The following FCMR variants were observed in gnomAD, a reference collection of about 807,000 sequenced individuals.
The protein encoded by FCMR is Fc mu receptor.
A neutral mutation model predicts 41.6 loss-of-function variants in FCMR; 34 were observed. The observed-to-expected ratio is 0.82, with a 90% CI of 0.62 to 1.09. The LOEUF is 1.09. FCMR is among the 50% of genes least tolerant of loss of function. The probability of loss-of-function intolerance (pLI) is 0.00; values close to 1 mark genes in which losing one functional copy is unlikely to be tolerated. For missense variants in FCMR, 496 were observed against 512.5 expected (o/e 0.97, Z 0.31); for synonymous variants, 209 against 211.8 (o/e 0.99, Z 0.12).
chr1:206,922,353 T>C (rs1200211630), upstream of FCMR, among the ~76,000 whole-genome samples: 1 of 152,272 alleles, frequency 6.6e-6, no homozygotes, highest in Non-Finnish European at 1.5e-5. Flanking sequence ...AGATGCTGAC[T>C]GTAGTCCTTA....
chr1:206,916,609 G>A (rs1226492184), intron 1 of FCMR, among the ~76,000 whole-genome samples: 2 of 152,220 alleles, frequency 1.3e-5, no homozygotes, highest in African/African-American at 4.8e-5. Flanking sequence ...AGTTGTTGGC[G>A]ATGTGAAAAT....
rs1013852440 is a variant in FCMR, at chr1:206,910,307, T to C, written c.744A>G (p.Glu248=). 2.5e-6 allele frequency: 4 copies of C among 1,572,790 alleles called. No individual in the cohort carries two copies. Among genetic ancestry groups the C allele is most frequent in the Non-Finnish European group, 2.6e-6 (3 of 1,158,922 alleles). Residue 248 remains glutamate, a synonymous_variant, in exon 5 of 8, where the codon GAA becomes GAG. Transcript: ENST00000367091. ...ALDYGSQSGR[E]GQGFHILIPT... is the part of the protein sequence containing the mutation. ...GGATCAGGATGTGAAATCCTTGGCC[T>C]TCCCTCCCAGACTGTGAGCCATAGT...
At chr1:206,912,033 C>T in intron 3 of FCMR, 81 bp from the exon 4 acceptor site, 2 of 1,058,618 alleles carry the variant, frequency 1.9e-6, no homozygotes, top group Non-Finnish European at 2.8e-6. Flanking sequence ...CCTCTTTCCA[C>T]AACATACCCT....
At chr1:206,920,685 G>A (rs982928104) in intron 1 of FCMR, among the ~76,000 whole-genome samples, 1 of 152,174 alleles carries the variant, frequency 6.6e-6, no homozygotes, top group South Asian at 2.1e-4. Context: ...AGGTTCTTGG[G>A]AGAGGTAATC....
At chr1:206,911,975 G>A in intron 3 of FCMR, 23 bp from the exon 4 acceptor site, 3 of 1,578,306 alleles carry the variant, frequency 1.9e-6, no homozygotes, top group Non-Finnish European at 2.6e-6. Flanking sequence ...GCAGGAAAAA[G>A]GGATGTTCCT....
At position 206,907,822 on chromosome 1, in the gene FCMR, A is replaced by G. The variant is rs1268987690; in HGVS notation, c.1044+1640T>C. 1.1e-5 allele frequency: 16 copies of G among 1,400,172 alleles called. No individual in the cohort carries two copies. In the East Asian group the frequency reaches 3.4e-4, roughly 30 times the overall value. 86.7% of individuals were successfully genotyped at this position (1,400,172 alleles called of 1,614,324 possible). A position where few individuals can be genotyped will look rare whatever the true frequency, so the allele number is the denominator to read the frequency against. On this transcript the variant is annotated intron_variant, in intron 7 of 7. Transcript: ENST00000367091. ...AGCGGATGAACACCAACCCTTCCCG[A>G]GGTCCCTACCACTTCCCGGCCCCCA...
chr1:206,922,000 A>T, upstream of FCMR: 1 of 701,234 alleles, frequency 1.4e-6, no homozygotes, highest in Non-Finnish European at 2.5e-6. Flanking sequence ...TGAGGAAATG[A>T]CAACCTCCCT....
chr1:206,908,596 G>C (rs1293443119), intron 7 of FCMR, among the ~76,000 whole-genome samples: 1 of 152,134 alleles, frequency 6.6e-6, no homozygotes, highest in East Asian at 1.9e-4. Context: ...GGGACAACAT[G>C]AGCTTGCTGT....
intron 1 of FCMR, among the ~76,000 whole-genome samples, chr1:206,919,034 C>G (rs1018804427): frequency 4.6e-5 from 7 of 152,162 alleles, no homozygotes; most frequent in African/African-American, 1.7e-4. Context: ...GATGTCCACT[C>G]TACTCCGTGG....
chr1:206,922,548 T>C (rs1029596089), upstream of FCMR, among the ~76,000 whole-genome samples: 1 of 152,240 alleles, frequency 6.6e-6, no homozygotes, highest in African/African-American at 2.4e-5. Flanking sequence ...TCCTGAGGAC[T>C]TCACATAGCT....
rs148888347 is a variant in FCMR at position 206,915,472 on chromosome 1, A to T, written c.38-1378T>A. On this transcript the variant is annotated intron_variant, in intron 1 of 7. Coordinates refer to ENST00000367091, the MANE Select transcript of FCMR (RefSeq NM_005449.5). ...GTGTGCATAGGTGTGCACACACTGT[A>T]TGTGTGCTGGGGAGGGATAAAAGAT... is the stretch of plus-strand genomic sequence containing the variant. Among the ~76,000 whole-genome samples, 669 of 152,186 alleles carry T rather than the reference A, an allele frequency of 4.4e-3. 6 individuals are homozygous for T. Among genetic ancestry groups the T allele is most frequent in the African/African-American group, 0.015 (633 of 41,520 alleles).
At chr1:206,914,768 C>T (rs972027107) in intron 1 of FCMR, among the ~76,000 whole-genome samples, 1 of 152,098 alleles carries the variant, frequency 6.6e-6, no homozygotes, top group Non-Finnish European at 1.5e-5. Flanking sequence ...AGCCTCATCC[C>T]ATCCCCAACC....
chr1:206,922,734 C>T (rs185604808), upstream of FCMR, among the ~76,000 whole-genome samples: 4 of 152,326 alleles, frequency 2.6e-5, no homozygotes, highest in Admixed American at 2.6e-4. Flanking sequence ...GTAGAGCTCT[C>T]CTTCAGGACC....
rs1214601513 is a variant in FCMR at position 206,908,225 on chromosome 1, T to G, written c.1044+1237A>C. 2.1e-6 allele frequency: 3 copies of G among 1,403,032 alleles called. No homozygotes were observed. The East Asian group carries it at 6.9e-5, about 32-fold the overall frequency. The allele number at this position is 1,403,032 out of a possible 1,614,324, so 86.9% of individuals were successfully genotyped here. Reference sequence around the variant, plus strand: ...GTCCTCAAGACCCACGGGCTCCTGGTCTGAGCCCAATAAAGACTGTTAATT... The same window carrying G: ...GTCCTCAAGACCCACGGGCTCCTGGGCTGAGCCCAATAAAGACTGTTAATT... On this transcript the variant is annotated intron_variant, in intron 7 of 7. Transcript: ENST00000367091.
At chr1:206,918,650 AGTGTGTGTGT>A (rs10652847) in intron 1 of FCMR, among the ~76,000 whole-genome samples, 18 of 145,986 alleles carry the variant, frequency 1.2e-4, no homozygotes, top group African/African-American at 4.0e-4. Context: ...ATAAATTTTA[AGTGTGTGTGT>A]GTGTGTGTGT....
At chr1:206,921,697 G>A in intron 1 of FCMR, 121 bp downstream of exon 1, 1 of 910,334 alleles carries the variant, frequency 1.1e-6, no homozygotes, top group South Asian at 1.5e-5. Context: ...CCTGCCCTAG[G>A]TGTTGGTTCA....
chr1:206,917,736 C>A, intron 1 of FCMR: 1 of 442,274 alleles, frequency 2.3e-6, no homozygotes, highest in Non-Finnish European at 4.5e-6. Flanking sequence ...AATTGAGGCT[C>A]CCACTTCAGC....
intron 7 of FCMR, among the ~76,000 whole-genome samples, chr1:206,907,125 T>A (rs1291757230): frequency 1.6e-5 from 1 of 62,574 alleles, no homozygotes; most frequent in Non-Finnish European, 3.3e-5. Flanking sequence ...GGGGGCGGGG[T>A]GGGGACTGCG....
At chr1:206,910,037 A>C (rs1413576533) in intron 5 of FCMR, 169 bp from the exon 6 acceptor site, 3 of 1,111,220 alleles carry the variant, frequency 2.7e-6, no homozygotes, top group Non-Finnish European at 2.4e-6. Context: ...TGAAGACCAA[A>C]GGGCCCAGGC....
Sources: allele counts gnomAD v4.1 joint callset (sites outside exome capture counted in the v4.1 genomes callset), GRCh38; gene constraint gnomAD v4.1.1; transcripts MANE v1.5; gene names NCBI Gene and HGNC (gene_info 2026-07-23, HGNC 2026-07-21).